COQ8A: variants seen among roughly 807,000 people sequenced by gnomAD.
COQ8A encodes the protein atypical kinase COQ8A, mitochondrial.
COQ8A carries 51 observed loss-of-function variants against 65.0 expected under a neutral mutation model. The ratio of observed to expected loss-of-function variants is 0.78; its 90% CI spans 0.63 to 0.99. The LOEUF (loss-of-function observed/expected upper bound fraction) is 0.99, where lower values mean the gene tolerates loss of function less well. Among genes scored for constraint, COQ8A ranks in the 50% least tolerant of loss-of-function variants. COQ8A has a pLI of 0.00. For synonymous variants in COQ8A, 371 were observed against 353.2 expected (o/e 1.05, Z -0.57); for missense variants, 940 against 875.0 (o/e 1.07, Z -0.94).
At position 226,954,862 on chromosome 1, in the gene COQ8A, A is replaced by G. The variant is rs1210593229; in HGVS notation, c.-9-6515A>G. 3.3e-5 allele frequency among the ~76,000 whole-genome samples: 5 copies of G among 152,172 alleles called. No individual in the cohort carries two copies. In the East Asian group the frequency reaches 9.6e-4, roughly 29 times the overall value. On this transcript the variant is annotated intron_variant, in intron 1 of 14. Transcript: ENST00000366777. ...TCCGACTGGGGAGAGAGTTAGGCAG[A>G]TTCAGGAAGTGGTCACTGCTGTGCT...
chr1:226,966,131 G>T (rs1658556265), intron 4 of COQ8A, among the ~76,000 whole-genome samples: 1 of 152,062 alleles, frequency 6.6e-6, no homozygotes, highest in East Asian at 1.9e-4. Context: ...CTTCCCTGGG[G>T]CTGTTCAGCA....
At chr1:226,966,613 A>T (rs552293867) in intron 4 of COQ8A, among the ~76,000 whole-genome samples, 1 of 152,280 alleles carries the variant, frequency 6.6e-6, no homozygotes, top group African/African-American at 2.4e-5. Context: ...CCAGGGCTGT[A>T]GGCAGCAGAG....
In COQ8A at chr1:226,982,943, A is replaced by G. The variant is rs150243147; in HGVS notation, c.989A>G (p.Tyr330Cys). 2.2e-4 allele frequency: 354 copies of G among 1,610,946 alleles called. No homozygotes were observed. The African/African-American group carries it at 4.2e-3, about 19-fold the overall frequency. ...CCCAACTGGCGGGACAAGTTGGAATACTTCGAGGAGCGGCCCTTCGCCGCC... is the reference window on the plus strand; with the variant it reads ...CCCAACTGGCGGGACAAGTTGGAATGCTTCGAGGAGCGGCCCTTCGCCGCC... ...LGPNWRDKLE[Y>C]FEERPFAAAS... The change falls in exon 8 of 15, where the codon TAC (tyrosine) becomes TGC (cysteine). Residue 330 changes from tyrosine (Y) to cysteine (C), a missense_variant. By Grantham distance (194) the Tyr-to-Cys change is radical (BLOSUM62 -2). Coordinates refer to ENST00000366777, the MANE Select transcript of COQ8A (RefSeq NM_020247.5).
chr1:226,982,962 C>T lies in COQ8A; in HGVS notation c.1008C>T (p.Phe336=), dbSNP rs758871135. The change falls in exon 8 of 15, where the codon TTC becomes TTT. Residue 336 remains phenylalanine, a synonymous_variant. Coordinates refer to ENST00000366777, the MANE Select transcript of COQ8A (RefSeq NM_020247.5). ...TGGAATACTTCGAGGAGCGGCCCTT[C>T]GCCGCCGCATCCATTGGGCAGGTGC... The part of the protein sequence containing the change: ...DKLEYFEERP[F]AAASIGQVHL... 38 of 1,604,594 alleles carry T rather than the reference C, an allele frequency of 2.4e-5. No homozygotes were observed. Among genetic ancestry groups the T allele is most frequent in the African/African-American group, 1.1e-4 (8 of 74,722 alleles).
rs80110437 is a variant in COQ8A at position 226,954,939 on chromosome 1, A to C, written c.-9-6438A>C. On this transcript the variant is annotated intron_variant, in intron 1 of 14. Coordinates refer to ENST00000366777, the MANE Select transcript of COQ8A (RefSeq NM_020247.5). Reference sequence around the variant, plus strand: ...AGGCATGTTGGGGAAGCCTTCCCAGAAGAGGTGATGTTGGTGCTGAGATCC... The same window carrying C: ...AGGCATGTTGGGGAAGCCTTCCCAGCAGAGGTGATGTTGGTGCTGAGATCC... Among the ~76,000 whole-genome samples, 365 of 152,198 alleles carry C rather than the reference A, an allele frequency of 2.4e-3. 2 individuals are homozygous for C. Among genetic ancestry groups the C allele is most frequent in the African/African-American group, 8.5e-3 (352 of 41,530 alleles).
In COQ8A at chr1:226,984,627, ACTT is replaced by A. The variant is rs1558209201; in HGVS notation, c.1484_1486del (p.Phe495del). The stretch of plus-strand genomic sequence containing the variant: ...ATGCAAACAGACCCCAACTGGTCCA[ACTT>A]CTTCTATGACCCCCAGCAGCACAAG... On this transcript the variant is annotated inframe_deletion, in exon 12 of 15. Coordinates refer to ENST00000366777, the MANE Select transcript of COQ8A (RefSeq NM_020247.5). 1.2e-6 allele frequency: 2 copies of A among 1,613,996 alleles called. No homozygotes were observed. The highest frequency in any genetic ancestry group is 1.3e-5 in the African/African-American group (1 of 74,916).
chr1:226,969,748 A>G (rs1275005259), intron 4 of COQ8A, among the ~76,000 whole-genome samples: 1 of 151,942 alleles, frequency 6.6e-6, no homozygotes, highest in African/African-American at 2.4e-5. Context: ...TATGAGCAGC[A>G]TATATAGTTG....
chr1:226,952,849 C>T (rs1449198873), intron 1 of COQ8A, among the ~76,000 whole-genome samples: 1 of 152,020 alleles, frequency 6.6e-6, no homozygotes, highest in African/African-American at 2.4e-5. Context: ...TTTGTCTTCC[C>T]ACCACTGCAT....
chr1:226,986,331 G>A (rs1572088818), intron 14 of COQ8A, 122 bp from the exon 15 acceptor site: 3 of 1,135,950 alleles, frequency 2.6e-6, no homozygotes, highest in Non-Finnish European at 3.8e-6. Context: ...TTACCATGAT[G>A]TAATCCAGTT....
intron 5 of COQ8A, among the ~76,000 whole-genome samples, chr1:226,978,657 C>T (rs568349386): frequency 1.1e-5 from 1 of 90,714 alleles, no homozygotes; most frequent in African/African-American, 3.0e-5. Flanking sequence ...TTACCCTCCA[C>T]ACACCTGCCC....
At chr1:226,955,684 GCTCCCACTCTCC>G in intron 1 of COQ8A, among the ~76,000 whole-genome samples, 1 of 109,738 alleles carries the variant, frequency 9.1e-6, no homozygotes, top group South Asian at 3.2e-4. Flanking sequence ...GCTCTCCCTG[GCTCCCACTCTCC>G]CTGGCTCCCA....
rs1434538212 is a variant in COQ8A, at chr1:226,965,024, T to A, written c.202T>A (p.Phe68Ile). 3 of 1,613,918 alleles carry A rather than the reference T, an allele frequency of 1.9e-6. No individual in the cohort carries two copies. Among genetic ancestry groups the A allele is most frequent in the African/African-American group, 1.3e-5 (1 of 74,922 alleles). ...GGGTCAGGATAAACATGAAGAATAT[T>A]TTGCTGAGAACTTCGGCGGCCCAGA... Reference protein sequence around the residue: ...VQGQDKHEEYFAENFGGPEGE... With the variant: ...VQGQDKHEEYIAENFGGPEGE... Residue 68 changes from phenylalanine to isoleucine, a missense_variant, in exon 3 of 15, where the codon TTT becomes ATT. Transcript: ENST00000366777.
In COQ8A at chr1:226,965,339, C is replaced by T. The variant is rs1384285836; in HGVS notation, c.517C>T (p.Leu173Phe). 3 of 1,613,344 alleles carry T rather than the reference C, an allele frequency of 1.9e-6. No individual in the cohort carries two copies. In the South Asian group the frequency reaches 3.3e-5, roughly 18 times the overall value. Residue 173 changes from leucine to phenylalanine, a missense_variant, in exon 3 of 15, where the codon CTC becomes TTC. Physicochemically the swap from Leu to Phe is conservative, Grantham distance 22. Transcript: ENST00000366777. ...FHQDQSPVGG[L>F]TAEDIEKARQ... ...CCAGGACCAATCCCCTGTTGGGGGC[C>T]TCACAGCCGAGGACATTGAGAAGGC...
chr1:226,963,007 G>A (rs191743202), intron 2 of COQ8A, among the ~76,000 whole-genome samples: 103 of 152,366 alleles, frequency 6.8e-4, no homozygotes, highest in Non-Finnish European at 1.1e-3. Context: ...GCTCTTGGGT[G>A]TTTTGCCTGT....
In COQ8A at chr1:226,987,091, A is replaced by T; in HGVS notation, c.*354A>T. The T allele has an allele frequency of 2.9e-6, 1 of 343,748 alleles. No individual in the cohort carries two copies. The highest frequency in any genetic ancestry group is 5.5e-6 in the Non-Finnish European group (1 of 180,920). The allele number at this position is 343,748 out of a possible 1,614,324, so 21.3% of individuals were successfully genotyped here. ...CCTTCCAATCTCTGTTCAGTGCAAA[A>T]CCCAGAAACATGAACAGATACGATT... On this transcript the variant is annotated 3_prime_UTR_variant, in exon 15 of 15. Coordinates refer to ENST00000366777, the MANE Select transcript of COQ8A (RefSeq NM_020247.5).
intron 4 of COQ8A, among the ~76,000 whole-genome samples, chr1:226,966,923 T>C (rs1043028947): frequency 6.6e-6 from 1 of 152,176 alleles, no homozygotes; most frequent in Non-Finnish European, 1.5e-5. Context: ...CTGAGCAGAC[T>C]TGGTTAACTG....
At chr1:226,979,829 G>A (rs1659580900) in intron 5 of COQ8A, among the ~76,000 whole-genome samples, 1 of 152,188 alleles carries the variant, frequency 6.6e-6, no homozygotes, top group South Asian at 2.1e-4. Context: ...TTTTAGCGTT[G>A]GTGCTGACAC....
intron 4 of COQ8A, among the ~76,000 whole-genome samples, chr1:226,968,759 C>G (rs1572052174): frequency 6.6e-6 from 1 of 152,108 alleles, no homozygotes; most frequent in South Asian, 2.1e-4. Context: ...AAGGACTTTC[C>G]AATTCCAGGG....
At chr1:226,969,047 A>T (rs1399908629) in intron 4 of COQ8A, among the ~76,000 whole-genome samples, 3 of 152,222 alleles carry the variant, frequency 2.0e-5, no homozygotes, top group Non-Finnish European at 4.4e-5. Flanking sequence ...CGTTGATTCC[A>T]AATGGGAATA....
Sources: gnomAD v4.1 joint callset for allele counts (sites outside exome capture counted in the v4.1 genomes callset) on GRCh38, gnomAD v4.1.1 for gene constraint, MANE v1.5 for transcripts, NCBI Gene and HGNC (gene_info 2026-07-23, HGNC 2026-07-21) for gene names.